Variants in ROBO1 observed in about 807,000 individuals in gnomAD.
ROBO1 encodes the protein roundabout guidance receptor 1.
In ROBO1, 149 loss-of-function variants were observed where a neutral mutation model predicts 195.9. That is an observed-to-expected ratio of 0.76 (90% CI 0.67 to 0.87). The LOEUF (loss-of-function observed/expected upper bound fraction) is 0.87. ROBO1 is among the 40% of genes least tolerant of loss of function. ROBO1 has a pLI of 0.00. For synonymous variants in ROBO1, 816 were observed against 733.2 expected (o/e 1.11, Z -1.82); for missense variants, 1,933 against 2,068.3 (o/e 0.93, Z 1.27).
At chr3:78,632,537 A>G (rs1705245822) in intron 24 of ROBO1, among the ~76,000 whole-genome samples, 1 of 152,000 alleles carries the variant, frequency 6.6e-6, no homozygotes, top group Non-Finnish European at 1.5e-5. Context: ...TACTGTAGCA[A>G]CTCCATCAGT....
intron 2 of ROBO1, among the ~76,000 whole-genome samples, chr3:79,406,556 C>T (rs549100828): frequency 1.9e-4 from 29 of 151,832 alleles, no homozygotes; most frequent in African/African-American, 6.0e-4. Flanking sequence ...GGAAGAGATG[C>T]ATTGTGTGTG....
intron 2 of ROBO1, among the ~76,000 whole-genome samples, chr3:79,585,026 A>C (rs1449577067): frequency 6.6e-6 from 1 of 151,814 alleles, no homozygotes; most frequent in Non-Finnish European, 1.5e-5. Flanking sequence ...ATAATGTGTA[A>C]AGGTAAGTTT....
At position 78,903,039 on chromosome 3, in the gene ROBO1, T is replaced by G. The variant is rs73116718; in HGVS notation, c.499+35562A>C. 6.1e-3 allele frequency among the ~76,000 whole-genome samples: 923 copies of G among 152,260 alleles called. 5 individuals carry two copies. The highest frequency in any genetic ancestry group is 0.011 in the Non-Finnish European group (740 of 68,022). Reference sequence around the variant, plus strand: ...TTGCTTGTTTATAAATACAGAGTTTTGAAAACTACTCTCATAGGAAGAGGC... The same window carrying G: ...TTGCTTGTTTATAAATACAGAGTTTGGAAAACTACTCTCATAGGAAGAGGC... On this transcript the variant is annotated intron_variant, in intron 4 of 30. Coordinates refer to ENST00000464233, the MANE Select transcript of ROBO1 (RefSeq NM_002941.4).
intron 3 of ROBO1, among the ~76,000 whole-genome samples, chr3:78,958,078 A>T (rs1379979088): frequency 6.6e-6 from 1 of 152,218 alleles, no homozygotes; most frequent in Non-Finnish European, 1.5e-5. Context: ...CATTAATGTT[A>T]GGACAATATA....
At chr3:79,578,329 C>T (rs1943559579) in intron 2 of ROBO1, among the ~76,000 whole-genome samples, 2 of 152,026 alleles carry the variant, frequency 1.3e-5, no homozygotes, top group African/African-American at 2.4e-5. Flanking sequence ...AAATAAGATT[C>T]AATGAAACAA....
intron 2 of ROBO1, among the ~76,000 whole-genome samples, chr3:79,346,468 A>T (rs2035124265): frequency 6.6e-6 from 1 of 152,244 alleles, no homozygotes; most frequent in East Asian, 1.9e-4. Flanking sequence ...GCTTCATTTT[A>T]TATGGGTTTT....
chr3:79,712,686 GA>G (rs925999204), intron 1 of ROBO1, among the ~76,000 whole-genome samples: 1 of 151,740 alleles, frequency 6.6e-6, no homozygotes, highest in Non-Finnish European at 1.5e-5. Context: ...CCTTCAACTG[GA>G]AAAAAAATGT....
At chr3:79,644,336 A>C (rs922651794) in intron 1 of ROBO1, among the ~76,000 whole-genome samples, 10 of 152,290 alleles carry the variant, frequency 6.6e-5, no homozygotes, top group Admixed American at 6.5e-4. Context: ...GCAAAGTTAA[A>C]CTACATATGT....
intron 10 of ROBO1, among the ~76,000 whole-genome samples, chr3:78,677,353 G>T (rs550388973): frequency 3.5e-4 from 53 of 152,152 alleles, no homozygotes; most frequent in African/African-American, 1.2e-3. Flanking sequence ...TGGACTAAAT[G>T]CTCCAATTAA....
At chr3:78,842,654 A>G (rs2033348278) in intron 4 of ROBO1, among the ~76,000 whole-genome samples, 1 of 150,420 alleles carries the variant, frequency 6.6e-6, no homozygotes, top group Non-Finnish European at 1.5e-5. Context: ...ATTGCCCATA[A>G]TAAAGGGAAT....
At chr3:78,901,517 G>A (rs1193974414) in intron 4 of ROBO1, among the ~76,000 whole-genome samples, 1 of 152,138 alleles carries the variant, frequency 6.6e-6, no homozygotes, top group East Asian at 1.9e-4. Context: ...GGTAATTCCT[G>A]GTATCCAGTA....
chr3:79,641,498 G>A (rs1261322119), intron 1 of ROBO1, among the ~76,000 whole-genome samples: 3 of 151,780 alleles, frequency 2.0e-5, no homozygotes, highest in African/African-American at 7.3e-5. Flanking sequence ...GTATACATAT[G>A]TAACTAACCT....
intron 3 of ROBO1, among the ~76,000 whole-genome samples, chr3:79,000,706 A>G (rs2077481463): frequency 6.6e-6 from 1 of 152,198 alleles, no homozygotes. Context: ...TGTGGAAGAC[A>G]GTGTGGTGAT....
intron 2 of ROBO1, among the ~76,000 whole-genome samples, chr3:79,253,922 T>G (rs1276349758): frequency 1.3e-5 from 2 of 152,126 alleles, no homozygotes; most frequent in African/African-American, 4.8e-5. Flanking sequence ...ACATGTCTCA[T>G]TATGTGGTTT....
chr3:79,006,538 T>C (rs1232388068), intron 3 of ROBO1, among the ~76,000 whole-genome samples: 2 of 152,144 alleles, frequency 1.3e-5, no homozygotes, highest in Non-Finnish European at 2.9e-5. Context: ...CACACTCAAC[T>C]ACCCATATTT....
At chr3:79,652,871 T>C (rs1946052157) in intron 1 of ROBO1, among the ~76,000 whole-genome samples, 1 of 152,062 alleles carries the variant, frequency 6.6e-6, no homozygotes, top group Admixed American at 6.6e-5. Context: ...TTCTTTGAAA[T>C]ATTCTATTTC....
chr3:78,972,502 C>A (rs926538124), intron 3 of ROBO1, among the ~76,000 whole-genome samples: 10 of 152,240 alleles, frequency 6.6e-5, no homozygotes, highest in African/African-American at 1.9e-4. Context: ...CTGGTCAGGG[C>A]TGTACTAACT....
rs142093275 is a variant in ROBO1 at position 79,762,337 on chromosome 3, T to A, written c.-51+5415A>T. ...GGGCTCTGCTTTCATGGTCTAGTCA[T>A]CTCCCAAAGGCCCCACTTCCTAATT... On this transcript the variant is annotated intron_variant, in intron 1 of 30. Coordinates refer to ENST00000464233, the MANE Select transcript of ROBO1 (RefSeq NM_002941.4). 1.9e-3 allele frequency among the ~76,000 whole-genome samples: 287 copies of A among 152,090 alleles called. 3 individuals are homozygous for A. The highest frequency in any genetic ancestry group is 2.4e-3 in the Non-Finnish European group (162 of 67,998).
intron 23 of ROBO1, among the ~76,000 whole-genome samples, chr3:78,635,465 T>C (rs1471733250): frequency 6.6e-6 from 1 of 152,178 alleles, no homozygotes; most frequent in Admixed American, 6.5e-5. Flanking sequence ...ATGCGAGGTA[T>C]TGTGACAGTT....
Sources: allele counts gnomAD v4.1 joint callset (sites outside exome capture counted in the v4.1 genomes callset), GRCh38; gene constraint gnomAD v4.1.1; transcripts MANE v1.5; gene names NCBI Gene and HGNC (gene_info 2026-07-23, HGNC 2026-07-21).